Variants in NPRL3 observed in about 807,000 individuals in gnomAD.
The protein encoded by NPRL3 is NPR3 like, GATOR1 complex subunit.
In NPRL3, 23 loss-of-function variants were observed where a neutral mutation model predicts 57.2. That is an observed-to-expected ratio of 0.40 (90% CI 0.29 to 0.57). The LOEUF (loss-of-function observed/expected upper bound fraction) is 0.57, where lower values mean the gene tolerates loss of function less well. Ranked by LOEUF, NPRL3 falls within the 20% of genes least tolerant of loss-of-function variation. The probability of loss-of-function intolerance (pLI) is 0.42; values close to 1 mark genes in which losing one functional copy is unlikely to be tolerated. For synonymous variants in NPRL3, 333 were observed against 321.1 expected (o/e 1.04, Z -0.39); for missense variants, 691 against 767.1 (o/e 0.90, Z 1.17).
intron 7 of NPRL3, among the ~76,000 whole-genome samples, chr16:107,485 A>C (rs1472413671): frequency 2.0e-5 from 3 of 151,990 alleles, no homozygotes; most frequent in African/African-American, 7.3e-5. Flanking sequence ...CTCTACTAAA[A>C]ATACAAAAAT....
intron 4 of NPRL3, among the ~76,000 whole-genome samples, chr16:117,586 G>GT (rs1567142026): frequency 6.6e-6 from 1 of 152,002 alleles, no homozygotes; most frequent in Non-Finnish European, 1.5e-5. Flanking sequence ...TGACCCCCTC[G>GT]CCCCCCCGCT....
chr16:110,121 T>A (rs529605371), intron 7 of NPRL3, among the ~76,000 whole-genome samples: 24 of 152,090 alleles, frequency 1.6e-4, no homozygotes, highest in Admixed American at 1.3e-3. Context: ...AATACACAAC[T>A]AGCCGGGTGT....
rs1223611120 is a variant in NPRL3 at position 95,350 on chromosome 16, T to TATAC, written c.925-2026_925-2025insGTAT. Among the ~76,000 whole-genome samples the TATAC allele has an allele frequency of 1.1e-3, 125 of 110,976 alleles. 1 individual carries two copies. The highest frequency in any genetic ancestry group is 3.7e-3 in the African/African-American group (101 of 27,154). 72.8% of individuals were successfully genotyped at this position (110,976 alleles called of 152,430 possible). On this transcript the variant is annotated intron_variant, in intron 9 of 13. Coordinates refer to ENST00000611875, the MANE Select transcript of NPRL3 (RefSeq NM_001077350.3). ...GTATATATATATATATATATATATATACACACACACACACACACACACACA... is the reference window on the plus strand; with the variant it reads ...GTATATATATATATATATATATATATATACACACACACACACACACACACACACA...
intron 7 of NPRL3, among the ~76,000 whole-genome samples, 175 bp from the exon 8 acceptor site, chr16:100,684 T>C (rs569580011): frequency 8.7e-5 from 12 of 138,374 alleles, no homozygotes; most frequent in East Asian, 6.1e-4. Flanking sequence ...AAAGAAAATA[T>C]GGGGGCCGGG....
Position 98,171 on chromosome 16 carries a change from G to A in NPRL3, c.898C>T (p.Gln300Ter), listed in dbSNP as rs746975723. The change falls in exon 9 of 14, where the codon CAA (glutamine) becomes TAA (stop). Residue 300 changes from glutamine to a stop codon, truncating the protein, a stop_gained. Coordinates refer to ENST00000611875, the MANE Select transcript of NPRL3 (RefSeq NM_001077350.3). LOFTEE classifies it high-confidence loss of function. ...SAVKNLQQLAQDADLALLQVF... is the reference protein window; with the variant it reads ...SAVKNLQQLA Reference sequence around the variant, plus strand: ...TGCAGCAAGGCCAGGTCCGCATCTTGGGCTAGCTGCTGCAGGTTCTTCACA... The same window carrying A: ...TGCAGCAAGGCCAGGTCCGCATCTTAGGCTAGCTGCTGCAGGTTCTTCACA... 1.2e-6 allele frequency: 2 copies of A among 1,613,904 alleles called. No homozygotes were observed. Among genetic ancestry groups the A allele is most frequent in the African/African-American group, 1.3e-5 (1 of 75,064 alleles).
At chr16:108,501 T>C (rs749279706) in intron 7 of NPRL3, among the ~76,000 whole-genome samples, 1 of 152,082 alleles carries the variant, frequency 6.6e-6, no homozygotes, top group Non-Finnish European at 1.5e-5. Flanking sequence ...TAGGAATTTA[T>C]CTTATAGATA....
At chr16:99,855 C>T (rs1228414571) in intron 8 of NPRL3, among the ~76,000 whole-genome samples, 1 of 147,544 alleles carries the variant, frequency 6.8e-6, no homozygotes, top group Non-Finnish European at 1.5e-5. Flanking sequence ...ATCACTTGAA[C>T]TTGGGAGGTG....
rs79791181 is a variant in NPRL3 at position 118,144 on chromosome 16, C to T, written c.319-769G>A. Among the ~76,000 whole-genome samples the T allele has an allele frequency of 2.9e-4, 44 of 152,340 alleles. No homozygotes were observed. In the East Asian group the frequency reaches 8.5e-3, roughly 29 times the overall value. ...TCATCAACCGCCTCAGAAACTCCTT[C>T]CATGGAGGTTCACGAATAACACCAC... On this transcript the variant is annotated intron_variant, in intron 4 of 13. Coordinates refer to ENST00000611875, the MANE Select transcript of NPRL3 (RefSeq NM_001077350.3).
intron 13 of NPRL3, among the ~76,000 whole-genome samples, chr16:87,693 C>T (rs2141897346): frequency 6.6e-6 from 1 of 152,084 alleles, no homozygotes; most frequent in East Asian, 1.9e-4. Flanking sequence ...CCTCAGCCTC[C>T]CCAGTAGCTG....
rs1011519847 is a variant in NPRL3 at position 85,613 on chromosome 16, G to C, written c.*1092C>G. ...GGCACAGGATGAAGCTGTATGGCTGGAGCGTGGTCCCCTGGAGCCCAGTGA... is the reference window on the plus strand; with the variant it reads ...GGCACAGGATGAAGCTGTATGGCTGCAGCGTGGTCCCCTGGAGCCCAGTGA... On this transcript the variant is annotated 3_prime_UTR_variant, in exon 14 of 14. Coordinates refer to ENST00000611875, the MANE Select transcript of NPRL3 (RefSeq NM_001077350.3). 19 of 1,607,042 alleles carry C rather than the reference G, an allele frequency of 1.2e-5. No individual in the cohort carries two copies. The highest frequency in any genetic ancestry group is 1.6e-5 in the Non-Finnish European group (19 of 1,175,088).
intron 3 of NPRL3, among the ~76,000 whole-genome samples, chr16:122,649 A>AT (rs1900331943): frequency 6.6e-6 from 1 of 152,256 alleles, no homozygotes; most frequent in Non-Finnish European, 1.5e-5. Flanking sequence ...TAACTTGGAA[A>AT]TTCAAGAAAA....
At chr16:116,125 A>C (rs1357792257) in intron 5 of NPRL3, among the ~76,000 whole-genome samples, 1 of 151,898 alleles carries the variant, frequency 6.6e-6, no homozygotes, top group Non-Finnish European at 1.5e-5. Context: ...TGCCTACAGC[A>C]TCCTGGAAAC....
chr16:104,126 C>CAAAA (rs199846582), intron 7 of NPRL3, among the ~76,000 whole-genome samples: 1 of 95,366 alleles, frequency 1.0e-5, no homozygotes. Context: ...AACTCCATCT[C>CAAAA]AAAAAAAAAA....
intron 4 of NPRL3, 143 bp from the exon 5 acceptor site, chr16:117,518 G>C (rs1362672500): frequency 8.1e-6 from 5 of 620,648 alleles, no homozygotes. Context: ...TGCTCTGGAG[G>C]CGTGCCTACT....
At chr16:106,904 GGACA>G (rs1214315719) in intron 7 of NPRL3, among the ~76,000 whole-genome samples, 5 of 152,154 alleles carry the variant, frequency 3.3e-5, no homozygotes, top group Non-Finnish European at 7.3e-5. Flanking sequence ...GATGGGATGA[GGACA>G]GACGAGAGGC....
At chr16:125,728 C>T (rs8047658) in intron 3 of NPRL3, 54,268 of 151,924 alleles carry the variant, frequency 0.36, 10,529 homozygotes, top group Non-Finnish European at 0.45. Context: ...AGCATGGATG[C>T]GATGGCTGGG....
At chr16:130,319 G>A (rs1370753917) in intron 3 of NPRL3, among the ~76,000 whole-genome samples, 1 of 152,206 alleles carries the variant, frequency 6.6e-6, no homozygotes, top group African/African-American at 2.4e-5. Flanking sequence ...CCTGAAGCTG[G>A]AACAGGTGCC....
In NPRL3 at chr16:95,383, AC is replaced by A. The variant is rs1354196096; in HGVS notation, c.925-2059del. ...CACACACACACACACACACACACAC[AC>A]AATAAAATGTATATATACAGATAAA... On this transcript the variant is annotated intron_variant, in intron 9 of 13. Coordinates refer to ENST00000611875, the MANE Select transcript of NPRL3 (RefSeq NM_001077350.3). Among the ~76,000 whole-genome samples, 362 of 141,734 alleles carry A rather than the reference AC, an allele frequency of 2.6e-3. 2 individuals carry two copies. Among genetic ancestry groups the A allele is most frequent in the African/African-American group, 8.7e-3 (341 of 39,272 alleles). The allele number at this position is 141,734 out of a possible 152,430, so 93.0% of individuals were successfully genotyped here.
At chr16:138,070 G>C in intron 2 of NPRL3, 80 bp downstream of exon 2, 1 of 1,049,684 alleles carries the variant, frequency 9.5e-7, no homozygotes, top group South Asian at 1.4e-5. Context: ...GCTAAGCTCC[G>C]CGAGGCGGCC....
Sources: gnomAD v4.1 joint callset for allele counts (sites outside exome capture counted in the v4.1 genomes callset) on GRCh38, gnomAD v4.1.1 for gene constraint, MANE v1.5 for transcripts, NCBI Gene and HGNC (gene_info 2026-07-23, HGNC 2026-07-21) for gene names.